Variants in NPHP4 observed in about 807,000 individuals in gnomAD.
NPHP4 encodes nephrocystin 4, also known as nephrocystin-4.
In NPHP4, 151 loss-of-function variants were observed where a neutral mutation model predicts 155.8. The observed-to-expected ratio is 0.97, with a 90% CI of 0.85 to 1.11. The LOEUF is 1.11. NPHP4 is among the 50% of genes least tolerant of loss of function. The pLI, the probability that NPHP4 is intolerant of heterozygous loss-of-function variation, is 0.00. For synonymous variants in NPHP4, 845 were observed against 816.8 expected, an observed-to-expected ratio of 1.03 and a Z score of -0.59; for missense variants, 1,956 against 1,925.7, an observed-to-expected ratio of 1.02 and a Z score of -0.29.
At chr1:5,966,768 C>A in intron 5 of NPHP4, among the ~76,000 whole-genome samples, 1 of 152,296 alleles carries the variant, frequency 6.6e-6, no homozygotes, top group East Asian at 1.9e-4. Context: ...TCCCACCACA[C>A]GCCCTTCCTG....
intron 9 of NPHP4, among the ~76,000 whole-genome samples, chr1:5,938,052 C>T (rs1646635171): frequency 6.6e-6 from 1 of 152,226 alleles, no homozygotes; most frequent in Admixed American, 6.5e-5. Context: ...GCGCAGGAAA[C>T]AGAGCAACCA....
At chr1:5,982,799 C>G (rs1186983138) in intron 2 of NPHP4, among the ~76,000 whole-genome samples, 1 of 152,160 alleles carries the variant, frequency 6.6e-6, no homozygotes, top group East Asian at 1.9e-4. Context: ...CTTCTTTGAT[C>G]CAGTATGTTA....
chr1:5,940,276 T>G (rs1646754889), intron 9 of NPHP4, among the ~76,000 whole-genome samples: 1 of 152,084 alleles, frequency 6.6e-6, no homozygotes, highest in Non-Finnish European at 1.5e-5. Context: ...CCCTTTCTCT[T>G]GCTCACCCTC....
rs746783875 is a variant in NPHP4, at chr1:5,887,489, C to G, written c.2305-23G>C. ...ATGCTGCAGAAGAGAAAAGCGCGTTCAGAGGCTGGAGCCGGCCCTGGGCTG... is the reference window on the plus strand; with the variant it reads ...ATGCTGCAGAAGAGAAAAGCGCGTTGAGAGGCTGGAGCCGGCCCTGGGCTG... On this transcript the variant is annotated intron_variant, in intron 17 of 29. Transcript: ENST00000378156. 3.1e-6 allele frequency: 5 copies of G among 1,610,598 alleles called. No individual in the cohort carries two copies. In the Admixed American group the frequency reaches 6.7e-5, roughly 21 times the overall value.
At chr1:5,912,269 T>A (rs574106690) in intron 11 of NPHP4, among the ~76,000 whole-genome samples, 18 of 152,260 alleles carry the variant, frequency 1.2e-4, no homozygotes, top group Non-Finnish European at 8.8e-5. Flanking sequence ...CCGGGCACGG[T>A]GGCTCACGCC....
intron 6 of NPHP4, among the ~76,000 whole-genome samples, chr1:5,960,070 A>G (rs1650021403): frequency 6.6e-6 from 1 of 152,204 alleles, no homozygotes; most frequent in Non-Finnish European, 1.5e-5. Context: ...AGCCAGACAC[A>G]GGTTTTCATG....
chr1:5,866,183 C>T (rs1641199464), intron 26 of NPHP4, 190 bp downstream of exon 26: 1 of 618,106 alleles, frequency 1.6e-6, no homozygotes, highest in South Asian at 1.9e-5. Flanking sequence ...ACGTGCCCCT[C>T]CAAGGTGCCT....
At chr1:5,913,504 G>A (rs1020002718) in intron 11 of NPHP4, among the ~76,000 whole-genome samples, 1 of 152,196 alleles carries the variant, frequency 6.6e-6, no homozygotes, top group Non-Finnish European at 1.5e-5. Context: ...CTACTTTTCT[G>A]TCAATTTAGC....
rs1431548530 is a variant in NPHP4, at chr1:5,948,081, AGAG to A, written c.978_980del (p.Ser328del). The A allele has an allele frequency of 6.2e-6, 10 of 1,613,508 alleles. No homozygotes were observed. Among genetic ancestry groups the A allele is most frequent in the Non-Finnish European group, 8.5e-6 (10 of 1,179,520 alleles). On this transcript the variant is annotated inframe_deletion, in exon 8 of 30. Transcript: ENST00000378156. The stretch of plus-strand genomic sequence containing the variant: ...CCAAGAGACAATACCTGGTCTTGGA[AGAG>A]GAGACCACTTTCCTGCTGAAGCTAG...
intron 11 of NPHP4, among the ~76,000 whole-genome samples, chr1:5,916,426 A>G (rs1199126813): frequency 2.6e-5 from 4 of 152,206 alleles, no homozygotes; most frequent in Admixed American, 6.5e-5. Flanking sequence ...TTTGAGAGGC[A>G]ATGTCTTCCA....
rs145209421 is a variant in NPHP4, at chr1:5,920,752, T to C, written c.1441+6897A>G. Among the ~76,000 whole-genome samples the C allele has an allele frequency of 3.7e-3, 557 of 152,360 alleles. 1 individual carries two copies. The highest frequency in any genetic ancestry group is 0.012 in the African/African-American group (514 of 41,582). On this transcript the variant is annotated intron_variant, in intron 11 of 29. Transcript: ENST00000378156. ...TTTCTAATCTTCTCATCTTACTTCC[T>C]TCATTAATTTTTAATGGTCATATGT...
chr1:5,927,310 G>A (rs958729310), intron 11 of NPHP4, among the ~76,000 whole-genome samples: 6 of 152,198 alleles, frequency 3.9e-5, no homozygotes, highest in Non-Finnish European at 8.8e-5. Flanking sequence ...GCAAACGCAA[G>A]GTGGCGGTCC....
At chr1:5,942,173 C>G (rs1250564934) in intron 9 of NPHP4, among the ~76,000 whole-genome samples, 1 of 152,128 alleles carries the variant, frequency 6.6e-6, no homozygotes, top group East Asian at 1.9e-4. Flanking sequence ...AAGGCACAAC[C>G]TGACTCCAAC....
chr1:5,927,348 GGGTCCCACATTT>G (rs1646057081), intron 11 of NPHP4, among the ~76,000 whole-genome samples: 1 of 152,122 alleles, frequency 6.6e-6, no homozygotes, highest in African/African-American at 2.4e-5. Flanking sequence ...TCTAACTCTC[GGGTCCCACATTT>G]GCAGGGCATC....
rs372051668 is a variant in NPHP4 at position 5,874,854 on chromosome 1, G to A, written c.3044+20C>T. The A allele has an allele frequency of 5.6e-4, 895 of 1,604,704 alleles. 5 individuals carry two copies. Among genetic ancestry groups the A allele is most frequent in the South Asian group, 5.2e-3 (469 of 90,860 alleles). On this transcript the variant is annotated intron_variant, in intron 21 of 29. Coordinates refer to ENST00000378156, the MANE Select transcript of NPHP4 (RefSeq NM_015102.5). ...ACACAGATCTGGGCTGGGGCAGGACGGGCACCACTGAGACCTCACCTGAGC... is the reference window on the plus strand; with the variant it reads ...ACACAGATCTGGGCTGGGGCAGGACAGGCACCACTGAGACCTCACCTGAGC...
chr1:5,933,195 C>G lies in NPHP4; in HGVS notation c.1254G>C (p.Ser418=). 1 of 1,613,600 alleles carries G rather than the reference C, an allele frequency of 6.2e-7. No homozygotes were observed. Among genetic ancestry groups the G allele is most frequent in the Non-Finnish European group, 8.5e-7 (1 of 1,179,636 alleles). ...AGGGTACCTTGTAGACCAGACAGTG[C>G]GAGGGGTTGGGCTGGATCCCACCCT... ...PLQGGIQPNP[S]HCLVYKVPSA... Residue 418 remains serine, a synonymous_variant, in exon 10 of 30, where the codon TCG becomes TCC. Coordinates refer to ENST00000378156, the MANE Select transcript of NPHP4 (RefSeq NM_015102.5).
At position 5,978,426 on chromosome 1, in the gene NPHP4, G is replaced by T; in HGVS notation, c.136-13C>A. 1 of 1,595,366 alleles carries T rather than the reference G, an allele frequency of 6.3e-7. No individual in the cohort carries two copies. Among genetic ancestry groups the T allele is most frequent in the Non-Finnish European group, 8.5e-7 (1 of 1,171,094 alleles). ...CCTCCAGCACGCCCTAGGAGACAAC[G>T]GGGAATTGACCCTCAAGAGTCTGAG... is the stretch of plus-strand genomic sequence containing the variant. On this transcript the variant is annotated splice_polypyrimidine_tract_variant and intron_variant, in intron 2 of 29. Transcript: ENST00000378156.
rs41280800 is a variant in NPHP4 at position 5,873,324 on chromosome 1, C to G, written c.3243G>C (p.Gly1081=). Reference sequence around the variant, plus strand: ...CGTCCATGCCCTTCTCGTTGCTCAACCCAGGAGAGGCCTGCAGGAACCGAA... The same window carrying G: ...CGTCCATGCCCTTCTCGTTGCTCAAGCCAGGAGAGGCCTGCAGGAACCGAA... ...GQLAMVQASP[G]LSNEKGMDAV... The change falls in exon 23 of 30, where the codon GGG becomes GGC. Residue 1081 remains glycine, a synonymous_variant. Transcript: ENST00000378156. 0.023 allele frequency: 37,427 copies of G among 1,613,720 alleles called. 548 individuals are homozygous for G. Among genetic ancestry groups the G allele is most frequent in the Non-Finnish European group, 0.028 (33,542 of 1,179,630 alleles).
chr1:5,959,656 G>C (rs1413805696), intron 6 of NPHP4, among the ~76,000 whole-genome samples: 1 of 152,126 alleles, frequency 6.6e-6, no homozygotes, highest in Admixed American at 6.5e-5. Flanking sequence ...TGACTTGAAA[G>C]CAGCACACAG....
Sources: allele counts gnomAD v4.1 joint callset (sites outside exome capture counted in the v4.1 genomes callset), GRCh38; gene constraint gnomAD v4.1.1; transcripts MANE v1.5; gene names NCBI Gene and HGNC (gene_info 2026-07-23, HGNC 2026-07-21).